SPTLC3: variants seen among roughly 807,000 people sequenced by gnomAD.
SPTLC3 encodes serine palmitoyltransferase 3.
Under a neutral mutation model 59.3 loss-of-function variants are expected in SPTLC3, and 36 were observed. That is an observed-to-expected ratio of 0.61 (90% confidence interval 0.47 to 0.80). The LOEUF (loss-of-function observed/expected upper bound fraction) is 0.80. SPTLC3 is among the 30% of genes least tolerant of loss of function. The pLI is 0.00. For missense variants in SPTLC3, 625 were observed against 685.1 expected (o/e 0.91, Z 0.98); for synonymous variants, 257 against 240.8 (o/e 1.07, Z -0.62).
rs552300559 is a variant in SPTLC3, at chr20:13,024,407, C to T, written c.117+15023C>T. Reference sequence around the variant, plus strand: ...GTTTACTACTTGTCTACCTATCTATCTATCTATCCATCCATATGTTTTATG... The same window carrying T: ...GTTTACTACTTGTCTACCTATCTATTTATCTATCCATCCATATGTTTTATG... On this transcript the variant is annotated intron_variant, in intron 1 of 11. Coordinates refer to ENST00000399002, the MANE Select transcript of SPTLC3 (RefSeq NM_018327.4). 1.7e-3 allele frequency among the ~76,000 whole-genome samples: 264 copies of T among 152,266 alleles called. 3 individuals carry two copies. Among genetic ancestry groups the T allele is most frequent in the African/African-American group, 6.1e-3 (253 of 41,570 alleles).
chr20:13,059,326 G>A (rs1014249512), intron 2 of SPTLC3, among the ~76,000 whole-genome samples: 8 of 152,192 alleles, frequency 5.3e-5, no homozygotes, highest in African/African-American at 1.7e-4. Flanking sequence ...CGCTAGTATC[G>A]CCTGAGAGCT....
At chr20:13,044,140 C>T (rs1203729705) in intron 1 of SPTLC3, among the ~76,000 whole-genome samples, 1 of 150,782 alleles carries the variant, frequency 6.6e-6, no homozygotes, top group Non-Finnish European at 1.5e-5. Context: ...TGCTCTGTCA[C>T]CCAGACTGGA....
chr20:13,164,710 C>A (rs1325561542), intron 11 of SPTLC3, 44 bp from the exon 12 acceptor site: 1 of 1,479,892 alleles, frequency 6.8e-7, no homozygotes, highest in African/African-American at 1.4e-5. Flanking sequence ...AGCAGGGCTA[C>A]TTAGGTGTTC....
chr20:13,104,800 T>C (rs1989785868), intron 6 of SPTLC3, among the ~76,000 whole-genome samples: 1 of 152,210 alleles, frequency 6.6e-6, no homozygotes, highest in African/African-American at 2.4e-5. Context: ...TTTATTTTAA[T>C]TTCCGTATCT....
intron 5 of SPTLC3, among the ~76,000 whole-genome samples, chr20:13,091,723 A>G (rs1008802348): frequency 3.9e-5 from 6 of 152,202 alleles, no homozygotes; most frequent in African/African-American, 1.4e-4. Flanking sequence ...GCAGCCCTAG[A>G]CATGGGTCAG....
intron 2 of SPTLC3, chr20:13,050,716 C>T (rs1987449086): frequency 1.3e-5 from 2 of 152,180 alleles, no homozygotes; most frequent in East Asian, 1.9e-4. Context: ...ATCAGATTAA[C>T]AGCAGATTTC....
At chr20:13,063,884 G>C (rs970544034) in intron 2 of SPTLC3, among the ~76,000 whole-genome samples, 5 of 151,930 alleles carry the variant, frequency 3.3e-5, no homozygotes, top group Non-Finnish European at 7.4e-5. Context: ...TTGAACTCCT[G>C]GCCTCAAGTG....
At chr20:13,100,837 G>A (rs1989575552) in intron 6 of SPTLC3, among the ~76,000 whole-genome samples, 1 of 152,182 alleles carries the variant, frequency 6.6e-6, no homozygotes, top group South Asian at 2.1e-4. Context: ...TCAGGCAAAT[G>A]ATAAATCACA....
chr20:13,037,459 G>T (rs528992071), intron 1 of SPTLC3, among the ~76,000 whole-genome samples: 1 of 152,282 alleles, frequency 6.6e-6, no homozygotes, highest in East Asian at 1.9e-4. Context: ...TTGTGATCTT[G>T]TAAAGCCACA....
chr20:13,120,269 C>A (rs1038381167), intron 8 of SPTLC3, among the ~76,000 whole-genome samples: 1 of 152,242 alleles, frequency 6.6e-6, no homozygotes, highest in East Asian at 1.9e-4. Flanking sequence ...AATAATCTCC[C>A]AGATACTTCC....
chr20:13,017,746 A>T (rs181456154), intron 1 of SPTLC3, among the ~76,000 whole-genome samples: 1 of 152,308 alleles, frequency 6.6e-6, no homozygotes, highest in Admixed American at 6.5e-5. Context: ...AGCAGATGAA[A>T]GATAGTTACA....
At chr20:13,016,666 G>C (rs537525416) in intron 1 of SPTLC3, among the ~76,000 whole-genome samples, 54 of 152,096 alleles carry the variant, frequency 3.6e-4, no homozygotes, top group Non-Finnish European at 4.1e-4. Flanking sequence ...CATAATACCA[G>C]TTGTCTAAGG....
chr20:13,159,796 T>G (rs6033632), intron 10 of SPTLC3, among the ~76,000 whole-genome samples: 2 of 152,102 alleles, frequency 1.3e-5, no homozygotes, highest in Admixed American at 1.3e-4. Flanking sequence ...CACACCATCA[T>G]GAGTGGCACC....
At chr20:13,095,489 G>T (rs556306198) in intron 6 of SPTLC3, among the ~76,000 whole-genome samples, 1 of 152,178 alleles carries the variant, frequency 6.6e-6, no homozygotes, top group Non-Finnish European at 1.5e-5. Context: ...CATATAGATA[G>T]ATAGGTAGGT....
intron 1 of SPTLC3, among the ~76,000 whole-genome samples, chr20:13,010,249 A>G (rs1985168692): frequency 6.6e-6 from 1 of 152,086 alleles, no homozygotes; most frequent in Non-Finnish European, 1.5e-5. Context: ...AGCAAGCCCA[A>G]GTAGTCAAAC....
intron 6 of SPTLC3, among the ~76,000 whole-genome samples, chr20:13,108,385 G>T (rs894662093): frequency 6.6e-6 from 1 of 152,146 alleles, no homozygotes; most frequent in Non-Finnish European, 1.5e-5. Flanking sequence ...CTCAGCTTTG[G>T]GGGAAGCCCT....
chr20:13,018,714 G>T (rs1230708500), intron 1 of SPTLC3, among the ~76,000 whole-genome samples: 1 of 152,118 alleles, frequency 6.6e-6, no homozygotes, highest in Non-Finnish European at 1.5e-5. Context: ...TTCTCTCACT[G>T]TTGAGGTAAA....
At chr20:13,109,612 G>T (rs1312915803) in intron 6 of SPTLC3, among the ~76,000 whole-genome samples, 2 of 152,190 alleles carry the variant, frequency 1.3e-5, no homozygotes, top group Non-Finnish European at 2.9e-5. Context: ...AGGCTTAATT[G>T]TCCCACTGCT....
chr20:13,034,432 C>G (rs1986640021), intron 1 of SPTLC3, among the ~76,000 whole-genome samples: 1 of 152,050 alleles, frequency 6.6e-6, no homozygotes, highest in African/African-American at 2.4e-5. Context: ...AAGGTACATA[C>G]TTTTTTTTCC....
Sources: gnomAD v4.1 joint callset for allele counts (sites outside exome capture counted in the v4.1 genomes callset) on GRCh38, gnomAD v4.1.1 for gene constraint, MANE v1.5 for transcripts, NCBI Gene and HGNC (gene_info 2026-07-23, HGNC 2026-07-21) for gene names.